Variants in CLMP observed in about 807,000 individuals in gnomAD.
CLMP encodes the protein CXADR-like membrane protein.
A neutral mutation model predicts 45.2 loss-of-function variants in CLMP; 27 were observed. The ratio of observed to expected loss-of-function variants is 0.60; its 90% CI spans 0.44 to 0.82. CLMP has a LOEUF of 0.82. Among genes scored for constraint, CLMP ranks in the 40% least tolerant of loss-of-function variants. The pLI is 0.00. For missense variants in CLMP, 403 were observed against 448.4 expected (o/e 0.90, Z 0.91); for synonymous variants, 167 against 171.4 (o/e 0.97, Z 0.20).
rs545771881 is a variant in CLMP, at chr11:123,139,140, G to T, written c.29-41188C>A. ...TACAGCAGCAGCATTGAGTATTTGTGACTGAAATCGTCTGGCTTATAAAGC... is the reference window on the plus strand; with the variant it reads ...TACAGCAGCAGCATTGAGTATTTGTTACTGAAATCGTCTGGCTTATAAAGC... On this transcript the variant is annotated intron_variant, in intron 1 of 6. Transcript: ENST00000448775. 8.8e-3 allele frequency among the ~76,000 whole-genome samples: 1,340 copies of T among 152,126 alleles called. 15 individuals are homozygous for T. The highest frequency in any genetic ancestry group is 0.051 in the Middle Eastern group (15 of 294).
At chr11:123,074,671 C>G in intron 6 of CLMP, 31 bp downstream of exon 6, 1 of 1,608,274 alleles carries the variant, frequency 6.2e-7, no homozygotes, top group Non-Finnish European at 8.5e-7. Flanking sequence ...AAAACAGAAG[C>G]CCCGTAAAAG....
At chr11:123,123,114 C>A (rs532314410) in intron 1 of CLMP, among the ~76,000 whole-genome samples, 80 of 152,044 alleles carry the variant, frequency 5.3e-4, no homozygotes, top group Middle Eastern at 3.4e-3. Flanking sequence ...CTTTAAAAGC[C>A]ACTAAGCCAC....
intron 1 of CLMP, among the ~76,000 whole-genome samples, chr11:123,151,963 C>A (rs1861341745): frequency 6.6e-6 from 1 of 152,168 alleles, no homozygotes; most frequent in Admixed American, 6.5e-5. Context: ...TTCCTCTTCC[C>A]TCTCCAGAGC....
intron 2 of CLMP, among the ~76,000 whole-genome samples, chr11:123,095,247 T>C (rs1268213731): frequency 6.6e-6 from 1 of 152,202 alleles, no homozygotes; most frequent in East Asian, 1.9e-4. Flanking sequence ...ATGAAAATAC[T>C]TGGGTGAAAG....
intron 1 of CLMP, among the ~76,000 whole-genome samples, chr11:123,170,688 C>T (rs1040371151): frequency 6.6e-6 from 1 of 152,108 alleles, no homozygotes; most frequent in African/African-American, 2.4e-5. Flanking sequence ...TGATCCACCC[C>T]GCTCGGCCTC....
chr11:123,141,588 G>C (rs1018483887), intron 1 of CLMP, among the ~76,000 whole-genome samples: 1 of 151,986 alleles, frequency 6.6e-6, no homozygotes, highest in Non-Finnish European at 1.5e-5. Context: ...TGTTTCCTGG[G>C]AAACAAAATT....
intron 1 of CLMP, among the ~76,000 whole-genome samples, chr11:123,153,606 G>A (rs891582097): frequency 6.6e-6 from 1 of 152,150 alleles, no homozygotes; most frequent in Admixed American, 6.5e-5. Flanking sequence ...TAAACAACAG[G>A]CTCACTTAAC....
chr11:123,145,115 A>C (rs1375433356), intron 1 of CLMP, among the ~76,000 whole-genome samples: 3 of 152,206 alleles, frequency 2.0e-5, no homozygotes, highest in African/African-American at 7.2e-5. Flanking sequence ...TATTTTATAT[A>C]TTTAGGGTTA....
intron 1 of CLMP, among the ~76,000 whole-genome samples, chr11:123,131,467 A>G (rs1044392343): frequency 1.3e-5 from 2 of 152,208 alleles, no homozygotes; most frequent in Admixed American, 1.3e-4. Context: ...CAAATGAACA[A>G]TAACCAAAAA....
chr11:123,167,738 T>G (rs148900303), intron 1 of CLMP, among the ~76,000 whole-genome samples: 106 of 152,246 alleles, frequency 7.0e-4, no homozygotes, highest in African/African-American at 2.3e-3. Flanking sequence ...ACTCTGGGCT[T>G]GTAGTAGGAG....
intron 1 of CLMP, among the ~76,000 whole-genome samples, chr11:123,141,070 C>T (rs1861149116): frequency 6.6e-6 from 1 of 151,698 alleles, no homozygotes; most frequent in Non-Finnish European, 1.5e-5. Context: ...TTCCCAAGGC[C>T]TTCATTAGAA....
chr11:123,194,915 A>T lies in CLMP; in HGVS notation c.26T>A (p.Leu9Gln). ...CCCGCCCTCCCAGAGGCACTCACCT[A>T]GCAAGAGGAGAAGGAGGAGGGACAT... is the stretch of plus-strand genomic sequence containing the variant. Reference protein sequence around the residue: MSLLLLLLLVSYYVGTLGT... With the variant: MSLLLLLLQVSYYVGTLGT... Residue 9 changes from leucine to glutamine, a missense_variant and splice_region_variant, in exon 1 of 7, where the codon CTA (leucine) becomes CAA (glutamine). Physicochemically the swap from Leu to Gln is moderately radical, Grantham distance 113. Coordinates refer to ENST00000448775, the MANE Select transcript of CLMP (RefSeq NM_024769.5). 6.2e-7 allele frequency: 1 copy of T among 1,613,398 alleles called. No individual in the cohort carries two copies.
At chr11:123,142,553 A>G (rs975316906) in intron 1 of CLMP, among the ~76,000 whole-genome samples, 2 of 152,002 alleles carry the variant, frequency 1.3e-5, no homozygotes, top group Admixed American at 6.5e-5. Context: ...AGAAGGGGGA[A>G]CTTAGGAGTT....
chr11:123,190,277 G>A (rs906449325), intron 1 of CLMP, among the ~76,000 whole-genome samples: 8 of 152,084 alleles, frequency 5.3e-5, no homozygotes, highest in African/African-American at 1.4e-4. Flanking sequence ...CAATTAGTTC[G>A]TTGACCCTTC....
chr11:123,176,068 A>G (rs897881455), intron 1 of CLMP, among the ~76,000 whole-genome samples: 7 of 152,350 alleles, frequency 4.6e-5, no homozygotes, highest in Non-Finnish European at 8.8e-5. Flanking sequence ...GTGTTATTAA[A>G]ATACTTAGAA....
At chr11:123,144,376 A>T (rs143191024) in intron 1 of CLMP, among the ~76,000 whole-genome samples, 167 of 152,186 alleles carry the variant, frequency 1.1e-3, no homozygotes, top group African/African-American at 3.8e-3. Context: ...ATATTTGGGG[A>T]TAATATTTTT....
intron 1 of CLMP, among the ~76,000 whole-genome samples, chr11:123,133,759 C>T (rs1467205687): frequency 6.6e-6 from 1 of 151,984 alleles, no homozygotes; most frequent in African/African-American, 2.4e-5. Flanking sequence ...CTCCTTATGC[C>T]CAGAGGAAGG....
chr11:123,072,234 C>A lies in CLMP; in HGVS notation c.*1240G>T, dbSNP rs1331453501. On this transcript the variant is annotated 3_prime_UTR_variant, in exon 7 of 7. Transcript: ENST00000448775. ...TTAGAATCATCAAAAGTTCCAGGTT[C>A]ATATCCTTCTAAAATGGAAGAAATG... 1 of 152,088 alleles carries A rather than the reference C, an allele frequency of 6.6e-6. No homozygotes were observed. Among genetic ancestry groups the A allele is most frequent in the Non-Finnish European group, 1.5e-5 (1 of 68,032 alleles). 9.4% of individuals were successfully genotyped at this position (152,088 alleles called of 1,614,324 possible).
chr11:123,125,517 C>A, intron 1 of CLMP, among the ~76,000 whole-genome samples: 1 of 97,354 alleles, frequency 1.0e-5, no homozygotes, highest in African/African-American at 3.8e-5. Context: ...CCTTCCCTTC[C>A]CTTCCCTTCC....
Sources: gnomAD v4.1 joint callset for allele counts (sites outside exome capture counted in the v4.1 genomes callset) on GRCh38, gnomAD v4.1.1 for gene constraint, MANE v1.5 for transcripts, NCBI Gene and HGNC (gene_info 2026-07-23, HGNC 2026-07-21) for gene names.